The following MICAL3 variants were observed in gnomAD, a reference collection of about 807,000 sequenced individuals.
The protein encoded by MICAL3 is [F-actin]-monooxygenase MICAL3.
In MICAL3, 62 loss-of-function variants were observed where a neutral mutation model predicts 207.4. That is an observed-to-expected ratio of 0.30 (90% confidence interval 0.24 to 0.37). The LOEUF (loss-of-function observed/expected upper bound fraction) is 0.37, where lower values mean the gene tolerates loss of function less well. Among genes scored for constraint, MICAL3 ranks in the 10% least tolerant of loss-of-function variants. MICAL3 has a pLI of 1.00. For missense variants in MICAL3, 2,368 were observed against 2,635.6 expected (o/e 0.90, Z 2.22); for synonymous variants, 1,077 against 1,069.3 (o/e 1.01, Z -0.14).
chr22:18,004,698 C>T (rs141496832), intron 1 of MICAL3: 1 of 152,272 alleles, frequency 6.6e-6, no homozygotes, highest in African/African-American at 2.4e-5. Flanking sequence ...TTAACTTCAC[C>T]CTCATATCAA....
At chr22:17,845,171 A>G (rs1387082731) in intron 19 of MICAL3, among the ~76,000 whole-genome samples, 1 of 152,250 alleles carries the variant, frequency 6.6e-6, no homozygotes, top group Non-Finnish European at 1.5e-5. Flanking sequence ...CGGAACAAAA[A>G]GTGGTATTTC....
chr22:17,922,985 C>A (rs78723441), intron 1 of MICAL3, among the ~76,000 whole-genome samples: 3,158 of 152,250 alleles, frequency 0.021, 115 homozygotes, highest in African/African-American at 0.072. Context: ...CATGATTCAT[C>A]AGTGGATCAA....
intron 1 of MICAL3, among the ~76,000 whole-genome samples, chr22:17,972,550 T>A (rs1422001787): frequency 6.6e-6 from 1 of 151,938 alleles, no homozygotes; most frequent in Admixed American, 6.6e-5. Context: ...CAACAGCCCA[T>A]CCCGGGCAGC....
At chr22:17,991,116 C>T (rs1921632146) in intron 1 of MICAL3, among the ~76,000 whole-genome samples, 1 of 152,224 alleles carries the variant, frequency 6.6e-6, no homozygotes, top group Non-Finnish European at 1.5e-5. Flanking sequence ...GCCAGCCAGG[C>T]CCTGCCAGGA....
intron 16 of MICAL3, among the ~76,000 whole-genome samples, chr22:17,877,562 GGTTAGGGAGGTTAGGGAA>G (rs1569110865): frequency 8.2e-5 from 12 of 146,518 alleles, no homozygotes; most frequent in African/African-American, 2.6e-4. Context: ...AGGTTATGGA[GGTTAGGGAGGTTAGGGAA>G]GTTATGGAGG....
At chr22:17,951,129 C>T (rs765386697) in intron 1 of MICAL3, among the ~76,000 whole-genome samples, 2 of 152,164 alleles carry the variant, frequency 1.3e-5, no homozygotes, top group Non-Finnish European at 2.9e-5. Context: ...AGTGGCACTG[C>T]CCTTACTCAA....
intron 13 of MICAL3, 122 bp downstream of exon 13, chr22:17,888,912 G>C (rs1930158869): frequency 1.6e-6 from 1 of 635,696 alleles, no homozygotes; most frequent in Non-Finnish European, 2.7e-6. Flanking sequence ...CAGCTAACTG[G>C]TAAAAACACA....
Position 17,896,330 on chromosome 22 carries a change from C to A in MICAL3, c.1238G>T (p.Arg413Leu). The A allele has an allele frequency of 6.4e-7, 1 of 1,558,322 alleles. No individual in the cohort carries two copies. The change falls in exon 9 of 32, where the codon CGG (arginine) becomes CTG (leucine). Residue 413 changes from arginine to leucine, a missense_variant. Coordinates refer to ENST00000441493, the MANE Select transcript of MICAL3 (RefSeq NM_015241.3). ...PFWPMGTGIA[R>L]GFLAAMDSAW... ...AGAGTCCATAGCAGCTAGAAAGCCC[C>A]GGGCTATTCCTGTTCCCATTGGCCA... is the stretch of plus-strand genomic sequence containing the variant.
intron 1 of MICAL3, among the ~76,000 whole-genome samples, chr22:17,923,979 T>C (rs981281081): frequency 6.6e-6 from 1 of 152,082 alleles, no homozygotes; most frequent in African/African-American, 2.4e-5. Context: ...AGCAAACACA[T>C]CCTTCTTCAC....
At chr22:18,003,491 T>C (rs1236634012) in intron 1 of MICAL3, among the ~76,000 whole-genome samples, 1 of 152,198 alleles carries the variant, frequency 6.6e-6, no homozygotes, top group Non-Finnish European at 1.5e-5. Context: ...TCCCTAGAGC[T>C]GCGAAAGTGC....
chr22:17,885,998 C>T lies in MICAL3; in HGVS notation c.2121G>A (p.Leu707=). Residue 707 remains leucine, a synonymous_variant, in exon 16 of 32, where the codon CTG becomes CTA. Transcript: ENST00000441493. Reference sequence around the variant, plus strand: ...CGGCAACGTCCATCCTCCTGTCTGTCAGAGTGCTCACCAGGGTCGGTCTTT... The same window carrying T: ...CGGCAACGTCCATCCTCCTGTCTGTTAGAGTGCTCACCAGGGTCGGTCTTT... ...RGERPTLVST[L]TDRRMDVAVG... 6.2e-7 allele frequency: 1 copy of T among 1,614,054 alleles called. No homozygotes were observed.
intron 1 of MICAL3, among the ~76,000 whole-genome samples, chr22:17,910,272 G>A (rs1423527598): frequency 6.6e-6 from 1 of 152,110 alleles, no homozygotes; most frequent in Non-Finnish European, 1.5e-5. Context: ...CCCAAGAAGA[G>A]TTCTTACGTG....
rs181615742 is a variant in MICAL3 at position 17,822,635 on chromosome 22, C to A, written c.3307+312G>T. The stretch of plus-strand genomic sequence containing the variant: ...CGTCCCTGACCCCCTCAGCCCCCCA[C>A]AACCAGACTGCGATGCAGAACCCAT... On this transcript the variant is annotated intron_variant, in intron 23 of 31. Coordinates refer to ENST00000441493, the MANE Select transcript of MICAL3 (RefSeq NM_015241.3). 1.2e-4 allele frequency among the ~76,000 whole-genome samples: 18 copies of A among 152,362 alleles called. No homozygotes were observed. In the East Asian group the frequency reaches 3.5e-3, roughly 29 times the overall value.
intron 20 of MICAL3, chr22:17,839,927 C>CTTTTTTTTTT (rs67852343): frequency 4.2e-5 from 4 of 95,846 alleles, no homozygotes; most frequent in Admixed American, 1.1e-4. Flanking sequence ...TTTTAATTAT[C>CTTTTTTTTTT]TTTTTTTTTT....
intron 3 of MICAL3, among the ~76,000 whole-genome samples, chr22:17,903,243 T>C (rs1428976384): frequency 6.6e-6 from 1 of 152,150 alleles, no homozygotes; most frequent in Non-Finnish European, 1.5e-5. Flanking sequence ...GAAATCGCAA[T>C]CCAACTAGAT....
intron 29 of MICAL3, among the ~76,000 whole-genome samples, chr22:17,808,431 C>G (rs542795771): frequency 6.7e-6 from 1 of 150,012 alleles, no homozygotes; most frequent in African/African-American, 2.5e-5. Context: ...TCCCAGGGAA[C>G]TAACGACATG....
chr22:17,951,976 C>T (rs536271624), intron 1 of MICAL3, among the ~76,000 whole-genome samples: 129 of 152,264 alleles, frequency 8.5e-4, no homozygotes, highest in Non-Finnish European at 9.9e-4. Flanking sequence ...GGATTACAGG[C>T]GTGAGCGACT....
At chr22:17,908,004 T>C (rs1185254759) in intron 1 of MICAL3, among the ~76,000 whole-genome samples, 1 of 152,192 alleles carries the variant, frequency 6.6e-6, no homozygotes. Flanking sequence ...AGGTGGGAGA[T>C]GGCACCGCGT....
intron 1 of MICAL3, among the ~76,000 whole-genome samples, chr22:17,940,150 T>C (rs930569292): frequency 5.9e-5 from 9 of 152,206 alleles, no homozygotes; most frequent in African/African-American, 2.2e-4. Flanking sequence ...TATCAATCAA[T>C]TGTCATTTTA....
Sources: allele counts gnomAD v4.1 joint callset (sites outside exome capture counted in the v4.1 genomes callset), GRCh38; gene constraint gnomAD v4.1.1; transcripts MANE v1.5; gene names NCBI Gene and HGNC (gene_info 2026-07-23, HGNC 2026-07-21).